Variants in UBR4 observed in about 807,000 individuals in gnomAD.
UBR4 encodes the protein E3 ubiquitin-protein ligase UBR4.
In UBR4, 124 loss-of-function variants were observed where a neutral mutation model predicts 575.6. The ratio of observed to expected loss-of-function variants is 0.22; its 90% CI spans 0.19 to 0.25. UBR4 has a LOEUF of 0.25. Ranked by LOEUF, UBR4 falls within the 10% of genes least tolerant of loss-of-function variation. The pLI, the probability that UBR4 is intolerant of heterozygous loss-of-function variation, is 1.00. For synonymous variants in UBR4, 2,455 were observed against 2,473.7 expected, an observed-to-expected ratio of 0.99 and a Z score of 0.22; for missense variants, 4,818 against 6,478.8, an observed-to-expected ratio of 0.74 and a Z score of 8.80.
intron 104 of UBR4, chr1:19,077,737 AAAACC>A (rs553369721): frequency 5.6e-5 from 81 of 1,436,184 alleles, no homozygotes; most frequent in African/African-American, 1.7e-4. Context: ...CCGTCTCAAA[AAAACC>A]AAACCAAACC....
At chr1:19,203,854 A>G (rs2092871432) in intron 1 of UBR4, among the ~76,000 whole-genome samples, 1 of 152,150 alleles carries the variant, frequency 6.6e-6, no homozygotes, top group Non-Finnish European at 1.5e-5. Context: ...TAAAAAGGAG[A>G]AAATAAAAAC....
At chr1:19,155,223 G>A in intron 43 of UBR4, 148 bp from the exon 44 acceptor site, 3 of 1,216,530 alleles carry the variant, frequency 2.5e-6, no homozygotes, top group Non-Finnish European at 3.4e-6. Flanking sequence ...CAAAGACCCT[G>A]AGAAAAATGG....
chr1:19,117,766 C>G lies in UBR4; in HGVS notation c.10629+57G>C, dbSNP rs1174277264. 1.3e-6 allele frequency: 2 copies of G among 1,510,192 alleles called. No homozygotes were observed. The highest frequency in any genetic ancestry group is 1.8e-6 in the Non-Finnish European group (2 of 1,088,844). 93.5% of individuals were successfully genotyped at this position (1,510,192 alleles called of 1,614,324 possible). Reference sequence around the variant, plus strand: ...TGTGATAATGATCCATCTCTGGAAACAAGAATCCCACTGGACCTATTGGCC... The same window carrying G: ...TGTGATAATGATCCATCTCTGGAAAGAAGAATCCCACTGGACCTATTGGCC... On this transcript the variant is annotated intron_variant, in intron 72 of 105. Coordinates refer to ENST00000375254, the MANE Select transcript of UBR4 (RefSeq NM_020765.3). The surrounding 1 kb of genome is among the most constrained non-coding windows in gnomAD (Gnocchi z 4.0).
At chr1:19,141,886 C>T in intron 55 of UBR4, 109 bp from the exon 56 acceptor site, 1 of 1,498,750 alleles carries the variant, frequency 6.7e-7, no homozygotes, top group Non-Finnish European at 9.0e-7. Flanking sequence ...CCAGCTAGCA[C>T]CCTGGGCTTT....
In UBR4 at chr1:19,110,579, G is replaced by A. The variant is rs1439502269; in HGVS notation, c.11893-115C>T. The A allele has an allele frequency of 7.5e-6, 10 of 1,338,514 alleles. No homozygotes were observed. Among genetic ancestry groups the A allele is most frequent in the Middle Eastern group, 2.2e-4 (1 of 4,456 alleles). 82.9% of individuals were successfully genotyped at this position (1,338,514 alleles called of 1,614,324 possible). The stretch of plus-strand genomic sequence containing the variant: ...GCTCCAACAGAGACAAAGGACAGAC[G>A]GAGACCCTTGTGCTCCAGGCTCTTC... On this transcript the variant is annotated intron_variant, in intron 79 of 105. Transcript: ENST00000375254. The surrounding 1 kb of genome is among the most constrained non-coding windows in gnomAD (Gnocchi z 4.5).
chr1:19,104,303 A>C, intron 86 of UBR4, 46 bp from the exon 87 acceptor site: 3 of 1,601,924 alleles, frequency 1.9e-6, no homozygotes, highest in Non-Finnish European at 2.6e-6. Context: ...GGATGAAAAC[A>C]TAAGGACAGT....
At chr1:19,121,045 C>G in intron 68 of UBR4, 144 bp downstream of exon 68, 1 of 1,176,036 alleles carries the variant, frequency 8.5e-7, no homozygotes, top group Non-Finnish European at 1.2e-6. Context: ...AAAATGAGAC[C>G]AAAAGTAGAC....
chr1:19,117,212 AG>A lies in UBR4; in HGVS notation c.10823+8del. On this transcript the variant is annotated splice_region_variant and intron_variant, in intron 73 of 105. Coordinates refer to ENST00000375254, the MANE Select transcript of UBR4 (RefSeq NM_020765.3). The surrounding 1 kb of genome is among the most constrained non-coding windows in gnomAD (Gnocchi z 4.0). ...CTGCTGCCCCTCCCGAGGCCTAAAA[AG>A]CCCGTACTTGTTTTTCAACTCCACG... 6.2e-7 allele frequency: 1 copy of A among 1,610,002 alleles called. No individual in the cohort carries two copies. Among genetic ancestry groups the A allele is most frequent in the Non-Finnish European group, 8.5e-7 (1 of 1,176,760 alleles).
chr1:19,157,020 T>G lies in UBR4; in HGVS notation c.5761-95A>C. On this transcript the variant is annotated intron_variant, in intron 40 of 105. Coordinates refer to ENST00000375254, the MANE Select transcript of UBR4 (RefSeq NM_020765.3). The surrounding 1 kb of genome is among the most constrained non-coding windows in gnomAD (Gnocchi z 4.4). The stretch of plus-strand genomic sequence containing the variant: ...AACTCTTTCAATAGGGATAACAGGT[T>G]GCACACTTTTTTCTTTACAGATAAG... 2 of 1,396,596 alleles carry G rather than the reference T, an allele frequency of 1.4e-6. No homozygotes were observed. The highest frequency in any genetic ancestry group is 1.9e-6 in the Non-Finnish European group (2 of 1,038,944). 86.5% of individuals were successfully genotyped at this position (1,396,596 alleles called of 1,614,324 possible).
chr1:19,156,488 G>C, intron 41 of UBR4, 65 bp from the exon 42 acceptor site: 1 of 1,558,180 alleles, frequency 6.4e-7, no homozygotes, highest in Non-Finnish European at 8.7e-7. Context: ...ATTCATTTCA[G>C]AGTAATGACG....
intron 11 of UBR4, among the ~76,000 whole-genome samples, chr1:19,187,913 A>T (rs2091701631): frequency 6.6e-6 from 1 of 152,062 alleles, no homozygotes. Context: ...CAAAAAAATT[A>T]AAAAGTTACC....
At chr1:19,158,486 C>G (rs1014952047) in intron 39 of UBR4, among the ~76,000 whole-genome samples, 3 of 151,860 alleles carry the variant, frequency 2.0e-5, no homozygotes, top group African/African-American at 7.3e-5. Flanking sequence ...CTCTCTGTCA[C>G]CCAGGTTGGA....
chr1:19,192,716 C>G (rs2092185888), intron 9 of UBR4, among the ~76,000 whole-genome samples, 176 bp from the exon 10 acceptor site: 1 of 152,086 alleles, frequency 6.6e-6, no homozygotes, highest in African/African-American at 2.4e-5. Flanking sequence ...TCATTTGGAT[C>G]AAATGTCACC....
intron 60 of UBR4, among the ~76,000 whole-genome samples, chr1:19,131,737 G>A (rs2082482261): frequency 6.6e-6 from 1 of 152,204 alleles, no homozygotes; most frequent in African/African-American, 2.4e-5. Flanking sequence ...GCCGGGCGTG[G>A]TCACGCATGC....
chr1:19,120,505 C>A (rs2081049798), intron 68 of UBR4, among the ~76,000 whole-genome samples, 157 bp from the exon 69 acceptor site: 1 of 152,190 alleles, frequency 6.6e-6, no homozygotes, highest in African/African-American at 2.4e-5. Flanking sequence ...TAGTTGTTTA[C>A]TGGGGGACAA....
intron 13 of UBR4, among the ~76,000 whole-genome samples, chr1:19,186,913 C>T (rs2151298732): frequency 6.6e-6 from 1 of 152,054 alleles, no homozygotes; most frequent in East Asian, 1.9e-4. Flanking sequence ...TCACAAATCA[C>T]CAAGTAGCCA....
At position 19,128,320 on chromosome 1, in the gene UBR4, T is replaced by A. The variant is rs2082039819; in HGVS notation, c.9004-2A>T. The A allele has an allele frequency of 1.2e-6, 2 of 1,613,214 alleles. No homozygotes were observed. ...ATCTGTAGTGAGCATTAGAATGACCTAGAAGTCAAAGACAGAAAACACAAA... is the reference window on the plus strand; with the variant it reads ...ATCTGTAGTGAGCATTAGAATGACCAAGAAGTCAAAGACAGAAAACACAAA... On this transcript the variant is annotated splice_acceptor_variant, in intron 61 of 105. Coordinates refer to ENST00000375254, the MANE Select transcript of UBR4 (RefSeq NM_020765.3). LOFTEE classifies it high-confidence loss of function.
intron 11 of UBR4, among the ~76,000 whole-genome samples, chr1:19,187,903 C>CA (rs2091701064): frequency 6.6e-6 from 1 of 151,786 alleles, no homozygotes; most frequent in South Asian, 2.1e-4. Flanking sequence ...CCTGTCTCTA[C>CA]AAAAAAATTA....
Position 19,168,137 on chromosome 1 carries a change from A to G in UBR4, c.3789T>C (p.Ser1263=). 6 of 1,608,486 alleles carry G rather than the reference A, an allele frequency of 3.7e-6. No homozygotes were observed. Among genetic ancestry groups the G allele is most frequent in the Non-Finnish European group, 4.3e-6 (5 of 1,175,966 alleles). Residue 1263 remains serine, a synonymous_variant, in exon 28 of 106, where the codon AGT becomes AGC. Coordinates refer to ENST00000375254, the MANE Select transcript of UBR4 (RefSeq NM_020765.3). ...TCCCCAGGTGTGCAGCCTGCACTGCACTAATATAACTCTCTGAAGGGATGG... is the reference window on the plus strand; with the variant it reads ...TCCCCAGGTGTGCAGCCTGCACTGCGCTAATATAACTCTCTGAAGGGATGG... ...NDTIPSESYI[S]AVQAAHLGTL...
Sources: allele counts gnomAD v4.1 joint callset (sites outside exome capture counted in the v4.1 genomes callset), GRCh38; gene constraint gnomAD v4.1.1; non-coding constraint Gnocchi (gnomAD v3.1); transcripts MANE v1.5; gene names NCBI Gene and HGNC (gene_info 2026-07-23, HGNC 2026-07-21).